Variants in CDAN1 observed in about 807,000 individuals in gnomAD.
The protein encoded by CDAN1 is codanin 1, also known as codanin-1.
CDAN1 carries 107 observed loss-of-function variants against 139.8 expected under a neutral mutation model. That is an observed-to-expected ratio of 0.77 (90% CI 0.65 to 0.90). The LOEUF is 0.90. Among genes scored for constraint, CDAN1 ranks in the 40% least tolerant of loss-of-function variants. The pLI, the probability that CDAN1 is intolerant of heterozygous loss-of-function variation, is 0.00. For missense variants in CDAN1, 1,667 were observed against 1,575.7 expected, an observed-to-expected ratio of 1.06 and a Z score of -0.98; for synonymous variants, 776 against 660.6, an observed-to-expected ratio of 1.17 and a Z score of -2.68.
rs2061676218 is a variant in CDAN1 at position 42,735,544 on chromosome 15, C to T, written c.909G>A (p.Glu303=). Residue 303 remains glutamate (E), a synonymous_variant, in exon 4 of 28, where the codon GAG becomes GAA. Transcript: ENST00000356231. ...ACGAGGAGTAAACAAGGGCTACAAG[C>T]TCCAGGCGCTGGCGGGAAGACACTC... is the stretch of plus-strand genomic sequence containing the variant. ...PARVSSRQRL[E]LVALVYSSCI... The T allele has an allele frequency of 6.2e-7, 1 of 1,614,256 alleles. No homozygotes were observed. The highest frequency in any genetic ancestry group is 1.3e-5 in the African/African-American group (1 of 75,074).
intron 17 of CDAN1, 71 bp from the exon 18 acceptor site, chr15:42,729,433 G>T: frequency 1.2e-6 from 2 of 1,605,064 alleles, no homozygotes; most frequent in Non-Finnish European, 1.7e-6. Context: ...GACTTTACTT[G>T]TGGAGTCAAG....
chr15:42,725,123 A>G (rs762599522), intron 27 of CDAN1, 21 bp downstream of exon 27: 11 of 1,577,254 alleles, frequency 7.0e-6, no homozygotes, highest in Non-Finnish European at 9.6e-6. Context: ...CTCTCCACCT[A>G]AAAGACAGGA....
intron 23 of CDAN1, chr15:42,727,331 C>T (rs982134547): frequency 7.4e-5 from 26 of 351,528 alleles, no homozygotes; most frequent in South Asian, 3.3e-4. Flanking sequence ...TCAAGCCATT[C>T]ACCACCGCAC....
rs1566990147 is a variant in CDAN1 at position 42,736,554 on chromosome 15, G to T, written c.317C>A (p.Ala106Asp). 6.7e-7 allele frequency: 1 copy of T among 1,482,600 alleles called. No individual in the cohort carries two copies. Among genetic ancestry groups the T allele is most frequent in the East Asian group, 2.9e-5 (1 of 34,680 alleles). 91.8% of individuals were successfully genotyped at this position (1,482,600 alleles called of 1,614,324 possible). Residue 106 changes from alanine (A) to aspartate (D), a missense_variant, in exon 2 of 28, where the codon GCC becomes GAC. Physicochemically the swap from Ala to Asp is moderately radical, Grantham distance 126 (BLOSUM62 -2). This residue lies in a region of CDAN1 where 487 missense variants were observed against 422.2 expected (regional missense o/e 1.15). Transcript: ENST00000356231. ...ARSQLFPPTE[A>D]QSTAAEAPLA... ...AGGGGCCTCGGCAGCGGTGCTCTGG[G>T]CCTCGGTCGGAGGGAAAAGCTGGCT... is the stretch of plus-strand genomic sequence containing the variant.
In CDAN1 at chr15:42,736,029, A is replaced by G; in HGVS notation, c.619T>C (p.Ser207Pro). 1 of 1,614,040 alleles carries G rather than the reference A, an allele frequency of 6.2e-7. No individual in the cohort carries two copies. The highest frequency in any genetic ancestry group is 8.5e-7 in the Non-Finnish European group (1 of 1,179,982). ...AAGCAGGTCTTGGGCTTGGAGAGTG[A>G]CCGCTCTTCGCTCACCGGAGTTGGG... is the stretch of plus-strand genomic sequence containing the variant. ...INPTPVSEER[S>P]LSKPKTCFTS... Residue 207 changes from serine (S) to proline (P), a missense_variant, in exon 3 of 28, where the codon TCA becomes CCA. Around this residue, in one of 3 missense-constraint regions of CDAN1, gnomAD observed 487 missense variants for 422.2 expected, o/e 1.15. Transcript: ENST00000356231.
At chr15:42,729,411 C>A in intron 17 of CDAN1, 49 bp from the exon 18 acceptor site, 1 of 1,612,448 alleles carries the variant, frequency 6.2e-7, no homozygotes, top group Non-Finnish European at 8.5e-7. Context: ...TCTCCCCTCC[C>A]TAAGTATCAT....
At position 42,727,715 on chromosome 15, in the gene CDAN1, C is replaced by T. The variant is rs995751855; in HGVS notation, c.3002G>A (p.Gly1001Asp). 4 of 1,585,130 alleles carry T rather than the reference C, an allele frequency of 2.5e-6. No homozygotes were observed. Among genetic ancestry groups the T allele is most frequent in the Non-Finnish European group, 2.6e-6 (3 of 1,161,512 alleles). ...AAVSRTLRAQ[G>D]PEPAARGERR... ...CTCCCCCCGGGCAGCAGGTTCAGGA[C>T]CCTGGGCTCGAAGTGTGCGACTCAC... The change falls in exon 23 of 28, where the codon GGT becomes GAT. Residue 1001 changes from glycine to aspartate, a missense_variant. Physicochemically the swap from Gly to Asp is moderately conservative, Grantham distance 94. Around this residue, in one of 3 missense-constraint regions of CDAN1, gnomAD observed 936 missense variants for 844.1 expected, o/e 1.11. Coordinates refer to ENST00000356231, the MANE Select transcript of CDAN1 (RefSeq NM_138477.4).
intron 27 of CDAN1, 46 bp downstream of exon 27, chr15:42,725,098 T>G: frequency 2.7e-6 from 4 of 1,483,608 alleles, no homozygotes; most frequent in Middle Eastern, 1.7e-4. Context: ...AGATGGGATA[T>G]GTAACACCTG....
chr15:42,731,259 G>C lies in CDAN1; in HGVS notation c.1812C>G (p.Pro604=), dbSNP rs767173477. The change falls in exon 12 of 28, where the codon CCC becomes CCG. Residue 604 remains proline, a synonymous_variant. Transcript: ENST00000356231. ...CGTCTTCATCATTGGGCTCATGCTG[G>C]GGCAGGGCAAGACCATTGAGCTCCT... is the stretch of plus-strand genomic sequence containing the variant. ...KIQELNGLAL[P]QHEPNDEDGE... is the part of the protein sequence containing the mutation. The C allele has an allele frequency of 2.5e-6, 4 of 1,614,186 alleles. No individual in the cohort carries two copies. The highest frequency in any genetic ancestry group is 3.4e-6 in the Non-Finnish European group (4 of 1,180,044).
At chr15:42,728,167 G>A (rs943904295) in intron 21 of CDAN1, 37 bp downstream of exon 21, 41 of 1,609,934 alleles carry the variant, frequency 2.5e-5, no homozygotes, top group Non-Finnish European at 3.3e-5. Context: ...CCCCACAACT[G>A]CCTGGCCTGC....
intron 3 of CDAN1, 84 bp from the exon 4 acceptor site, chr15:42,735,763 C>T (rs2061679207): frequency 1.9e-6 from 3 of 1,585,736 alleles, no homozygotes; most frequent in Admixed American, 3.3e-5. Flanking sequence ...AAGATACCAA[C>T]AGCCCAGGAG....
intron 11 of CDAN1, 103 bp downstream of exon 11, chr15:42,731,517 G>T: frequency 1.4e-6 from 2 of 1,435,772 alleles, no homozygotes; most frequent in Non-Finnish European, 2.0e-6. Flanking sequence ...GCTGGAAGGA[G>T]CCTATCTCCA....
rs746877296 is a variant in CDAN1 at position 42,731,800 on chromosome 15, C to G, written c.1559G>C (p.Gly520Ala). Reference sequence around the variant, plus strand: ...TGGGGCCTCGCCCAAGACGGTGCCCCCAGCACCACCAGGGCTCTGACACAT... The same window carrying G: ...TGGGGCCTCGCCCAAGACGGTGCCCGCAGCACCACCAGGGCTCTGACACAT... ...LQMCQSPGGA[G>A]GTVLGEAPDV... The change falls in exon 11 of 28, where the codon GGG becomes GCG. Residue 520 changes from glycine to alanine, a missense_variant. Gly to Ala is a moderately conservative substitution (Grantham distance 60). Around this residue, in one of 3 missense-constraint regions of CDAN1, gnomAD observed 244 missense variants for 309.4 expected, o/e 0.79. Transcript: ENST00000356231. 6.8e-6 allele frequency: 11 copies of G among 1,614,004 alleles called. No individual in the cohort carries two copies. In the South Asian group the frequency reaches 1.2e-4, roughly 18 times the overall value.
chr15:42,724,509 A>C lies in CDAN1; in HGVS notation c.3666T>G (p.Thr1222=), dbSNP rs77191722. 11 of 1,575,730 alleles carry C rather than the reference A, an allele frequency of 7.0e-6. No homozygotes were observed. In the Admixed American group the frequency reaches 7.3e-5, roughly 10 times the overall value. Reference sequence around the variant, plus strand: ...CTCAGCCCTAGCTCTGGGCCAGCACAGTGCCCCGGTTTGGCTGCACCAACT... The same window carrying C: ...CTCAGCCCTAGCTCTGGGCCAGCACCGTGCCCCGGTTTGGCTGCACCAACT... The part of the protein sequence containing the change: ...ACELVQPNRG[T]VLAQS The change falls in exon 28 of 28, where the codon ACT becomes ACG. Residue 1222 remains threonine, a synonymous_variant. Coordinates refer to ENST00000356231, the MANE Select transcript of CDAN1 (RefSeq NM_138477.4).
chr15:42,730,749 C>T lies in CDAN1; in HGVS notation c.2023G>A (p.Asp675Asn). 3 of 1,612,318 alleles carry T rather than the reference C, an allele frequency of 1.9e-6. No homozygotes were observed. Among genetic ancestry groups the T allele is most frequent in the Non-Finnish European group, 2.5e-6 (3 of 1,179,150 alleles). The stretch of plus-strand genomic sequence containing the variant: ...CCTCGCTGCAGCAGAGTCCGCACAT[C>T]CAGGACCGGAGGGACCTGGGAGGGC... ...ALRSQVPPVL[D>N]VRTLLQRGLQ... The change falls in exon 14 of 28, where the codon GAT becomes AAT. Residue 675 changes from aspartate to asparagine, a missense_variant. By Grantham distance (23) the Asp-to-Asn change is conservative. Coordinates refer to ENST00000356231, the MANE Select transcript of CDAN1 (RefSeq NM_138477.4).
chr15:42,730,899 C>G, intron 13 of CDAN1, 26 bp downstream of exon 13: 1 of 1,614,146 alleles, frequency 6.2e-7, no homozygotes, highest in Non-Finnish European at 8.5e-7. Flanking sequence ...CTGCTCCCTC[C>G]TCACCAGAAT....
rs750159385 is a variant in CDAN1, at chr15:42,729,862, C to G, written c.2286G>C (p.Leu762Phe). 1.9e-6 allele frequency: 3 copies of G among 1,613,730 alleles called. No individual in the cohort carries two copies. Among genetic ancestry groups the G allele is most frequent in the South Asian group, 2.2e-5 (2 of 91,028 alleles). The change falls in exon 16 of 28, where the codon TTG becomes TTC. Residue 762 changes from leucine (L) to phenylalanine (F), a missense_variant. By Grantham distance (22) the Leu-to-Phe change is conservative. Around this residue, in one of 3 missense-constraint regions of CDAN1, gnomAD observed 936 missense variants for 844.1 expected, o/e 1.11. Transcript: ENST00000356231. ...LFQIPTVPED[L>F]FFLEEGPSYA... ...ATGAGGGACCCTCTTCCAGAAAGAA[C>G]AAGTCCTCAGGGACTGTGGGAATCT... is the stretch of plus-strand genomic sequence containing the variant.
chr15:42,730,925 C>A lies in CDAN1; in HGVS notation c.2007G>T (p.Gln669His), dbSNP rs1436339774. ...LQDSILALRS[Q>H]VPPVLDVRTL... is the part of the protein sequence containing the mutation. ...TCACCAGAATCCCCCGCCCATTCACCTGGCTCCTGAGGGCCAGAATGGAGT... is the reference window on the plus strand; with the variant it reads ...TCACCAGAATCCCCCGCCCATTCACATGGCTCCTGAGGGCCAGAATGGAGT... The change falls in exon 13 of 28, where the codon CAG (glutamine) becomes CAT (histidine). Residue 669 changes from glutamine to histidine, a missense_variant and splice_region_variant. Transcript: ENST00000356231. 6.2e-7 allele frequency: 1 copy of A among 1,614,216 alleles called. No homozygotes were observed. The highest frequency in any genetic ancestry group is 8.5e-7 in the Non-Finnish European group (1 of 1,180,034).
rs779763549 is a variant in CDAN1, at chr15:42,727,686, T to TC, written c.3030dup (p.Arg1011GlufsTer8). ...TGCTCACAGGCGCGGGAGCAGCCCCTCCGCTCCCCCCGGGCAGCAGGTTCA... is the reference window on the plus strand; with the variant it reads ...TGCTCACAGGCGCGGGAGCAGCCCCTCCCGCTCCCCCCGGGCAGCAGGTTCA... On this transcript the variant is annotated frameshift_variant, in exon 23 of 28. Transcript: ENST00000356231. LOFTEE classifies it high-confidence loss of function. 2 of 1,587,604 alleles carry TC rather than the reference T, an allele frequency of 1.3e-6. No individual in the cohort carries two copies. Among genetic ancestry groups the TC allele is most frequent in the Admixed American group, 3.5e-5 (2 of 57,744 alleles).
Sources: allele counts gnomAD v4.1 joint callset, GRCh38; gene constraint gnomAD v4.1.1; regional missense constraint gnomAD v4.1.1; transcripts MANE v1.5; gene names NCBI Gene and HGNC (gene_info 2026-07-23, HGNC 2026-07-21).